KDM4C: variants seen among roughly 807,000 people sequenced by gnomAD.
The protein encoded by KDM4C is lysine demethylase 4C.
In KDM4C, 81 loss-of-function variants were observed where a neutral mutation model predicts 129.3. The observed-to-expected ratio is 0.63, with a 90% confidence interval of 0.52 to 0.75. KDM4C has a LOEUF of 0.75. KDM4C is among the 30% of genes least tolerant of loss of function. KDM4C has a pLI of 0.00. For missense variants in KDM4C, 1,457 were observed against 1,304.0 expected (o/e 1.12, Z -1.81); for synonymous variants, 573 against 456.1 (o/e 1.26, Z -3.26).
intron 17 of KDM4C, among the ~76,000 whole-genome samples, chr9:7,051,537 A>G (rs1297132325): frequency 1.3e-5 from 2 of 152,210 alleles, no homozygotes; most frequent in Admixed American, 6.5e-5. Flanking sequence ...TGAAGTTTAA[A>G]TGGTAACCTA....
At position 7,174,662 on chromosome 9, in the gene KDM4C, T is replaced by C; in HGVS notation, c.3104T>C (p.Val1035Ala). 1 of 1,614,130 alleles carries C rather than the reference T, an allele frequency of 6.2e-7. No individual in the cohort carries two copies. Among genetic ancestry groups the C allele is most frequent in the East Asian group, 2.2e-5 (1 of 44,884 alleles). Reference protein sequence around the residue: ...VLSSRFKNEYVADPVYRTFLK... With the variant: ...VLSSRFKNEYAADPVYRTFLK... ...AGCTCCAGGTTTAAGAATGAATATG[T>C]GGCCGACCCTGTATACCGCACTTTT... The change falls in exon 22 of 22, where the codon GTG (valine) becomes GCG (alanine). Residue 1035 changes from valine to alanine, a missense_variant. Transcript: ENST00000381309.
intron 14 of KDM4C, among the ~76,000 whole-genome samples, chr9:7,015,255 A>G (rs951566627): frequency 6.6e-6 from 1 of 152,158 alleles, no homozygotes; most frequent in African/African-American, 2.4e-5. Flanking sequence ...ACTCATTTAA[A>G]TATTTCAGAA....
chr9:6,808,710 A>T (rs1367552216), intron 3 of KDM4C, among the ~76,000 whole-genome samples: 1 of 149,264 alleles, frequency 6.7e-6, no homozygotes, highest in Non-Finnish European at 1.5e-5. Flanking sequence ...AAAAAAAAAA[A>T]GAAGTGGCAC....
intron 5 of KDM4C, among the ~76,000 whole-genome samples, chr9:6,857,231 G>A (rs1327950818): frequency 3.3e-5 from 5 of 152,088 alleles, no homozygotes; most frequent in East Asian, 1.9e-4. Context: ...CCAGGGGTTC[G>A]AAACCAACCT....
chr9:7,109,113 A>T (rs1209368684), intron 18 of KDM4C, among the ~76,000 whole-genome samples: 1 of 152,060 alleles, frequency 6.6e-6, no homozygotes, highest in Non-Finnish European at 1.5e-5. Flanking sequence ...TCATAACAAA[A>T]CTTCCCCCTG....
At chr9:7,083,232 A>ATACT (rs1834736828) in intron 17 of KDM4C, among the ~76,000 whole-genome samples, 1 of 152,224 alleles carries the variant, frequency 6.6e-6, no homozygotes, top group Non-Finnish European at 1.5e-5. Context: ...CTTGCATTAT[A>ATACT]TACTTACTGG....
chr9:7,174,760 G>C lies in KDM4C; in HGVS notation c.*31G>C. On this transcript the variant is annotated 3_prime_UTR_variant, in exon 22 of 22. Coordinates refer to ENST00000381309, the MANE Select transcript of KDM4C (RefSeq NM_015061.6). The stretch of plus-strand genomic sequence containing the variant: ...ATACATCGCTGCAGGCCACAGAGCA[G>C]CTTGGGTTGGAAGAGAGAAGATGAA... The C allele has an allele frequency of 6.3e-7, 1 of 1,597,018 alleles. No homozygotes were observed. Among genetic ancestry groups the C allele is most frequent in the Non-Finnish European group, 8.6e-7 (1 of 1,166,624 alleles).
chr9:7,099,577 C>T (rs535210844), intron 17 of KDM4C, among the ~76,000 whole-genome samples: 53 of 152,334 alleles, frequency 3.5e-4, no homozygotes, highest in Non-Finnish European at 5.3e-4. Flanking sequence ...TAGAAGCTGT[C>T]GGCATGAGTG....
intron 5 of KDM4C, among the ~76,000 whole-genome samples, chr9:6,853,187 TA>T (rs1291773962): frequency 2.6e-5 from 4 of 152,096 alleles, no homozygotes; most frequent in Non-Finnish European, 5.9e-5. Context: ...AAACTTTTAA[TA>T]AAAAAGATTC....
At chr9:6,958,312 C>T (rs13289136) in intron 8 of KDM4C, among the ~76,000 whole-genome samples, 5,798 of 152,082 alleles carry the variant, frequency 0.038, 178 homozygotes, top group Middle Eastern at 0.092. Context: ...GAGGCCGGTG[C>T]GGTGGCTCAC....
intron 18 of KDM4C, among the ~76,000 whole-genome samples, chr9:7,127,377 G>A (rs115179522): frequency 0.013 from 1,924 of 152,256 alleles, 29 homozygotes; most frequent in African/African-American, 0.043. Context: ...CAAACATCAT[G>A]TGCCTTCAGA....
chr9:6,789,916 G>C (rs533173610), intron 1 of KDM4C, among the ~76,000 whole-genome samples: 4 of 152,040 alleles, frequency 2.6e-5, no homozygotes, highest in Non-Finnish European at 4.4e-5. Context: ...CCTAAAGGGT[G>C]GTGAGGTTTA....
At chr9:6,864,248 G>A (rs1841516547) in intron 5 of KDM4C, among the ~76,000 whole-genome samples, 2 of 151,128 alleles carry the variant, frequency 1.3e-5, no homozygotes, top group African/African-American at 4.9e-5. Flanking sequence ...ACTCCTTTAT[G>A]TTTGAAGGAC....
chr9:6,777,798 G>T (rs1473125961), intron 1 of KDM4C, among the ~76,000 whole-genome samples: 2 of 151,910 alleles, frequency 1.3e-5, no homozygotes, highest in Non-Finnish European at 2.9e-5. Flanking sequence ...TTTGTAATTG[G>T]AAACTGAAAT....
intron 5 of KDM4C, among the ~76,000 whole-genome samples, chr9:6,875,260 C>G (rs1374194672): frequency 2.6e-5 from 4 of 152,146 alleles, no homozygotes; most frequent in African/African-American, 9.7e-5. Flanking sequence ...GCCATAGACC[C>G]TTCCTCTTAG....
intron 19 of KDM4C, among the ~76,000 whole-genome samples, chr9:7,148,685 T>A (rs1037580829): frequency 1.3e-5 from 2 of 152,026 alleles, no homozygotes; most frequent in African/African-American, 4.8e-5. Context: ...ATGTGGACAA[T>A]TGGAGGGTGA....
At chr9:6,768,337 ATT>A (rs200541754) in intron 1 of KDM4C, among the ~76,000 whole-genome samples, 38 of 142,468 alleles carry the variant, frequency 2.7e-4, no homozygotes, top group Admixed American at 4.9e-4. Context: ...GCTGAACAGG[ATT>A]TTTTTTTTTT....
intron 8 of KDM4C, among the ~76,000 whole-genome samples, chr9:6,926,225 A>G (rs1177585151): frequency 1.1e-5 from 1 of 90,818 alleles, no homozygotes; most frequent in African/African-American, 3.2e-5. Flanking sequence ...AGGCTGTAGG[A>G]CTCAACTGTG....
chr9:6,919,218 T>TTTCTTTCTTTCTTTC (rs1563811978), intron 8 of KDM4C, among the ~76,000 whole-genome samples: 2 of 75,906 alleles, frequency 2.6e-5, no homozygotes, highest in African/African-American at 7.7e-5. Context: ...TGAATTTTCT[T>TTTCTTTCTTTCTTTC]TTTCCTTCTT....
Sources: allele counts gnomAD v4.1 joint callset (sites outside exome capture counted in the v4.1 genomes callset), GRCh38; gene constraint gnomAD v4.1.1; transcripts MANE v1.5; gene names NCBI Gene and HGNC (gene_info 2026-07-23, HGNC 2026-07-21).